Variants in LRRK2 observed in about 807,000 individuals in gnomAD.
LRRK2 encodes leucine-rich repeat serine/threonine-protein kinase 2.
A neutral mutation model predicts 302.6 loss-of-function variants in LRRK2; 203 were observed. The ratio of observed to expected loss-of-function variants is 0.67; its 90% CI spans 0.60 to 0.75. The LOEUF is 0.75. LRRK2 is among the 30% of genes least tolerant of loss of function. The probability of loss-of-function intolerance (pLI) is 0.00; values close to 1 mark genes in which losing one functional copy is unlikely to be tolerated. For synonymous variants in LRRK2, 1,066 were observed against 1,031.9 expected (o/e 1.03, Z -0.63); for missense variants, 2,830 against 2,951.0 (o/e 0.96, Z 0.95).
At chr12:40,366,633 C>A in intron 49 of LRRK2, 1 of 209,966 alleles carries the variant, frequency 4.8e-6, no homozygotes, top group Non-Finnish European at 9.7e-6. Context: ...CATCTAAATA[C>A]TCATATTTGT....
chr12:40,301,821 C>T (rs1423732408), intron 25 of LRRK2, among the ~76,000 whole-genome samples: 1 of 152,126 alleles, frequency 6.6e-6, no homozygotes, highest in African/African-American at 2.4e-5. Flanking sequence ...TTTCTGTTTC[C>T]CAAATTGTGT....
intron 2 of LRRK2, among the ~76,000 whole-genome samples, chr12:40,229,334 T>C (rs1941059191): frequency 6.6e-6 from 1 of 152,188 alleles, no homozygotes; most frequent in African/African-American, 2.4e-5. Context: ...AATTACTATT[T>C]AAAATAAAGA....
chr12:40,274,581 A>C lies in LRRK2; in HGVS notation c.1657-2A>C, dbSNP rs765227942. ...TAACAGCGAGTATTCTTTTGATTTT[A>C]GTTCATTGGAAATCCTGGGATTCAG... On this transcript the variant is annotated splice_acceptor_variant, in intron 14 of 50. Coordinates refer to ENST00000298910, the MANE Select transcript of LRRK2 (RefSeq NM_198578.4). LOFTEE classifies it high-confidence loss of function. 2.5e-6 allele frequency: 4 copies of C among 1,613,606 alleles called. No individual in the cohort carries two copies. Among genetic ancestry groups the C allele is most frequent in the Non-Finnish European group, 3.4e-6 (4 of 1,179,740 alleles).
At chr12:40,327,955 AG>A (rs1945600685) in intron 38 of LRRK2, among the ~76,000 whole-genome samples, 1 of 152,216 alleles carries the variant, frequency 6.6e-6, no homozygotes, top group South Asian at 2.1e-4. Flanking sequence ...TTAGGAGAAA[AG>A]GTAATAAATG....
At chr12:40,364,772 T>A (rs1946825439) in intron 48 of LRRK2, 70 bp from the exon 49 acceptor site, 1 of 1,161,006 alleles carries the variant, frequency 8.6e-7, no homozygotes, top group South Asian at 1.3e-5. Context: ...GTTGTTTATG[T>A]TATCATATGT....
chr12:40,307,091 T>C (rs935996077), intron 28 of LRRK2, among the ~76,000 whole-genome samples: 25 of 151,562 alleles, frequency 1.6e-4, no homozygotes, highest in African/African-American at 6.0e-4. Context: ...TTTTTAAACA[T>C]GTTTAACATT....
intron 14 of LRRK2, among the ~76,000 whole-genome samples, chr12:40,265,153 G>A (rs776234130): frequency 6.6e-6 from 1 of 152,224 alleles, no homozygotes; most frequent in Non-Finnish European, 1.5e-5. Context: ...CAATCCTTGA[G>A]TATGGCAAGA....
chr12:40,314,101 C>T lies in LRRK2; in HGVS notation c.4666C>T (p.Leu1556=), dbSNP rs17491187. 6 of 1,612,740 alleles carry T rather than the reference C, an allele frequency of 3.7e-6. No homozygotes were observed. In the East Asian group the frequency reaches 1.1e-4, roughly 30 times the overall value. The part of the protein sequence containing the change: ...PVIDRKRLLQ[L]VRENQLQLDE... ...AATTGACCGGAAACGATTATTACAA[C>T]TAGTGAGAGAAAATCAGCTGCAGTT... The change falls in exon 32 of 51, where the codon CTA becomes TTA. Residue 1556 remains leucine (L), a synonymous_variant. Transcript: ENST00000298910.
chr12:40,269,844 C>T (rs1359767215), intron 14 of LRRK2, among the ~76,000 whole-genome samples: 5 of 151,982 alleles, frequency 3.3e-5, no homozygotes, highest in South Asian at 4.1e-4. Flanking sequence ...ATATTTCCAC[C>T]GCTTTATGTC....
intron 48 of LRRK2, among the ~76,000 whole-genome samples, chr12:40,364,022 T>C (rs1946800203): frequency 6.6e-6 from 1 of 151,972 alleles, no homozygotes; most frequent in Admixed American, 6.6e-5. Context: ...GAGAGCATAG[T>C]GCTTAGTCTG....
At chr12:40,257,126 A>C in intron 11 of LRRK2, 122 bp from the exon 12 acceptor site, 1 of 717,148 alleles carries the variant, frequency 1.4e-6, no homozygotes, top group Non-Finnish European at 2.3e-6. Flanking sequence ...ATGAACTATA[A>C]ATTATGTGTG....
intron 33 of LRRK2, among the ~76,000 whole-genome samples, chr12:40,318,721 T>G (rs775984099): frequency 1.3e-5 from 2 of 152,064 alleles, no homozygotes; most frequent in Non-Finnish European, 2.9e-5. Flanking sequence ...AAAGAAAATA[T>G]GAAGTGCAGT....
At chr12:40,275,099 A>G (rs889450980) in intron 16 of LRRK2, 106 bp downstream of exon 16, 16 of 1,210,664 alleles carry the variant, frequency 1.3e-5, no homozygotes, top group Admixed American at 3.4e-5. Flanking sequence ...TAGTTAATGG[A>G]AAACCATTTA....
chr12:40,321,898 G>A, intron 35 of LRRK2, 137 bp from the exon 36 acceptor site: 1 of 760,856 alleles, frequency 1.3e-6, no homozygotes, highest in Non-Finnish European at 2.2e-6. Context: ...AGATATGGAT[G>A]AGGACTCATA....
intron 38 of LRRK2, among the ~76,000 whole-genome samples, chr12:40,326,794 A>G (rs1049479669): frequency 2.0e-5 from 3 of 152,200 alleles, no homozygotes; most frequent in Non-Finnish European, 4.4e-5. Flanking sequence ...ATGGTTTTTA[A>G]AAGTCAAATA....
At chr12:40,243,439 T>C in intron 6 of LRRK2, 111 bp from the exon 7 acceptor site, 1 of 1,189,704 alleles carries the variant, frequency 8.4e-7, no homozygotes, top group Non-Finnish European at 1.2e-6. Context: ...AATTTGGAAA[T>C]GCAGTCATTA....
At chr12:40,289,814 G>A (rs541193460) in intron 20 of LRRK2, among the ~76,000 whole-genome samples, 52 of 151,796 alleles carry the variant, frequency 3.4e-4, no homozygotes, top group Non-Finnish European at 5.0e-4. Flanking sequence ...GCTCACTTAC[G>A]TGTTCCAGTA....
Position 40,298,405 on chromosome 12 carries a change from C to T in LRRK2, c.3259C>T (p.Gln1087Ter), listed in dbSNP as rs1944464021. The change falls in exon 24 of 51, where the codon CAG (glutamine) becomes TAG (stop). Residue 1087 changes from glutamine (Q) to a stop codon, truncating the protein, a stop_gained. Coordinates refer to ENST00000298910, the MANE Select transcript of LRRK2 (RefSeq NM_198578.4). LOFTEE classifies it high-confidence loss of function. ...TACAGTGAAATGTCCAACTCTGAAA[C>T]AGTTTAACCTGTCATATAACCAGCT... ...DPTVKCPTLK[Q>*]FNLSYNQLSF... The T allele has an allele frequency of 6.2e-7, 1 of 1,613,738 alleles. No individual in the cohort carries two copies. The highest frequency in any genetic ancestry group is 1.3e-5 in the African/African-American group (1 of 74,844).
chr12:40,246,529 C>G (rs1419148211), intron 7 of LRRK2, among the ~76,000 whole-genome samples: 1 of 151,892 alleles, frequency 6.6e-6, no homozygotes, highest in East Asian at 1.9e-4. Context: ...TATCTGATAA[C>G]TATATATAAA....
Sources: gnomAD v4.1 joint callset for allele counts (sites outside exome capture counted in the v4.1 genomes callset) on GRCh38, gnomAD v4.1.1 for gene constraint, MANE v1.5 for transcripts, NCBI Gene and HGNC (gene_info 2026-07-23, HGNC 2026-07-21) for gene names.